The following RBMS1 variants were observed in gnomAD, a reference collection of about 807,000 sequenced individuals.
The protein encoded by RBMS1 is RNA-binding motif, single-stranded-interacting protein 1.
RBMS1 carries 17 observed loss-of-function variants against 62.3 expected under a neutral mutation model. That is an observed-to-expected ratio of 0.27 (90% confidence interval 0.19 to 0.41). The LOEUF is 0.41. Among genes scored for constraint, RBMS1 ranks in the 10% least tolerant of loss-of-function variants. The probability of loss-of-function intolerance (pLI) is 1.00; values close to 1 mark genes in which losing one functional copy is unlikely to be tolerated. For missense variants in RBMS1, 334 were observed against 504.5 expected (o/e 0.66, Z 3.24); for synonymous variants, 172 against 170.0 (o/e 1.01, Z -0.09).
At chr2:160,324,295 A>C (rs1047921262) in intron 2 of RBMS1, among the ~76,000 whole-genome samples, 1 of 152,168 alleles carries the variant, frequency 6.6e-6, no homozygotes. Flanking sequence ...CCTGTGTGCT[A>C]GGGAACGTGC....
intron 2 of RBMS1, among the ~76,000 whole-genome samples, chr2:160,318,506 G>C (rs1006235215): frequency 4.6e-5 from 7 of 152,218 alleles, no homozygotes; most frequent in Non-Finnish European, 1.0e-4. Context: ...TCTTAGGACA[G>C]AAACATGGGA....
Position 160,349,553 on chromosome 2 carries a change from AAGAGAGAGAG to A in RBMS1, c.251+17653_251+17662del, listed in dbSNP as rs372260654. ...TTTAGTTGCTCATCTCAGAGACAGA[AAGAGAGAGAG>A]AGAGAGAGAGAGAGAGAGAAAGGAA... On this transcript the variant is annotated intron_variant, in intron 2 of 13. Transcript: ENST00000348849. 2.4e-3 allele frequency among the ~76,000 whole-genome samples: 344 copies of A among 142,840 alleles called. 1 individual carries two copies. Among genetic ancestry groups the A allele is most frequent in the African/African-American group, 8.5e-3 (325 of 38,412 alleles). 93.7% of individuals were successfully genotyped at this position (142,840 alleles called of 152,430 possible). A position where few individuals can be genotyped will look rare whatever the true frequency, so the allele number is the denominator to read the frequency against.
chr2:160,427,336 A>G (rs1682681318), intron 1 of RBMS1, among the ~76,000 whole-genome samples: 1 of 152,136 alleles, frequency 6.6e-6, no homozygotes, highest in South Asian at 2.1e-4. Flanking sequence ...TATACCTACA[A>G]CTAATTTTAT....
At chr2:160,327,662 G>A (rs758598919) in intron 2 of RBMS1, among the ~76,000 whole-genome samples, 2 of 152,102 alleles carry the variant, frequency 1.3e-5, no homozygotes, top group South Asian at 2.1e-4. Flanking sequence ...AGAAGTCACT[G>A]TACTACAGCA....
chr2:160,313,509 G>T (rs1574264416), intron 3 of RBMS1, among the ~76,000 whole-genome samples: 1 of 151,778 alleles, frequency 6.6e-6, no homozygotes, highest in East Asian at 1.9e-4. Context: ...TACGTGTCTT[G>T]TATTTACTGG....
chr2:160,323,820 G>A (rs1690731839), intron 2 of RBMS1, among the ~76,000 whole-genome samples: 1 of 152,142 alleles, frequency 6.6e-6, no homozygotes, highest in Non-Finnish European at 1.5e-5. Context: ...TTCAAAGGGA[G>A]AGGATAACAG....
chr2:160,352,058 T>A (rs1337930926), intron 2 of RBMS1, among the ~76,000 whole-genome samples: 2 of 152,162 alleles, frequency 1.3e-5, no homozygotes, highest in Non-Finnish European at 2.9e-5. Context: ...CCTGCAGAGC[T>A]GCTAATGTTG....
intron 2 of RBMS1, among the ~76,000 whole-genome samples, chr2:160,349,738 T>A (rs1692386926): frequency 6.6e-6 from 1 of 151,810 alleles, no homozygotes; most frequent in African/African-American, 2.4e-5. Flanking sequence ...TTCAAAAATA[T>A]TTACTGATTT....
intron 2 of RBMS1, among the ~76,000 whole-genome samples, chr2:160,329,668 A>G (rs967688652): frequency 1.3e-5 from 2 of 151,948 alleles, no homozygotes; most frequent in Admixed American, 1.3e-4. Flanking sequence ...AATGAAGGTA[A>G]ACATGCCTCA....
intron 1 of RBMS1, among the ~76,000 whole-genome samples, chr2:160,409,836 G>A (rs540228110): frequency 1.3e-5 from 2 of 152,206 alleles, no homozygotes; most frequent in African/African-American, 4.8e-5. Context: ...GTTTTATGGG[G>A]ATAAGAAAAG....
At position 160,458,210 on chromosome 2, in the gene RBMS1, T is replaced by C. The variant is rs562095500; in HGVS notation, c.75+35079A>G. Among the ~76,000 whole-genome samples, 232 of 152,256 alleles carry C rather than the reference T, an allele frequency of 1.5e-3. 1 individual carries two copies. Among genetic ancestry groups the C allele is most frequent in the Middle Eastern group, 6.8e-3 (2 of 294 alleles). On this transcript the variant is annotated intron_variant, in intron 1 of 13. Coordinates refer to ENST00000348849, the MANE Select transcript of RBMS1 (RefSeq NM_016836.4). ...AACTCCTGGCCTCAAGTGATCCTCC[T>C]GTCTGGGCTTCCCAAAGTGCCGGGA...
intron 1 of RBMS1, among the ~76,000 whole-genome samples, chr2:160,393,076 C>G (rs946584207): frequency 8.6e-5 from 13 of 151,906 alleles, no homozygotes; most frequent in African/African-American, 2.9e-4. Flanking sequence ...TTTCCCTATT[C>G]TAATTTAGTA....
At chr2:160,329,993 T>G (rs186294094) in intron 2 of RBMS1, among the ~76,000 whole-genome samples, 1 of 152,080 alleles carries the variant, frequency 6.6e-6, no homozygotes, top group African/African-American at 2.4e-5. Flanking sequence ...GAGACACTTA[T>G]GAAAAGAACA....
At chr2:160,280,758 T>C (rs1217934201) in intron 10 of RBMS1, among the ~76,000 whole-genome samples, 4 of 152,102 alleles carry the variant, frequency 2.6e-5, no homozygotes, top group African/African-American at 9.6e-5. Context: ...AAACTAGATC[T>C]TATGTGTCTT....
intron 1 of RBMS1, among the ~76,000 whole-genome samples, chr2:160,414,872 A>G (rs1247530158): frequency 6.6e-6 from 1 of 152,054 alleles, no homozygotes; most frequent in African/African-American, 2.4e-5. Flanking sequence ...ATCTATAAAA[A>G]CAGGTACATG....
intron 1 of RBMS1, among the ~76,000 whole-genome samples, chr2:160,414,550 C>T (rs1696147447): frequency 6.6e-6 from 1 of 152,130 alleles, no homozygotes; most frequent in African/African-American, 2.4e-5. Context: ...TCACCATTTA[C>T]AACATCTCTC....
At chr2:160,440,066 C>G (rs1000170381) in intron 1 of RBMS1, among the ~76,000 whole-genome samples, 7 of 60,500 alleles carry the variant, frequency 1.2e-4, no homozygotes, top group African/African-American at 4.3e-4. Flanking sequence ...AGAGGGAGAC[C>G]GTGGAGAGGG....
chr2:160,348,643 T>C (rs573420299), intron 2 of RBMS1, among the ~76,000 whole-genome samples: 18 of 152,238 alleles, frequency 1.2e-4, no homozygotes, highest in Admixed American at 1.0e-3. Context: ...GCATATGACC[T>C]AGAGATGAAG....
rs767359109 is a variant in RBMS1, at chr2:160,303,534, G to C, written c.403-47C>G. On this transcript the variant is annotated intron_variant, in intron 4 of 13. Transcript: ENST00000348849. Reference sequence around the variant, plus strand: ...TCCATTAATTTCCAACAGAAGGTGAGATATTTATGTTAACACACCTATTTT... The same window carrying C: ...TCCATTAATTTCCAACAGAAGGTGACATATTTATGTTAACACACCTATTTT... 6 of 1,552,104 alleles carry C rather than the reference G, an allele frequency of 3.9e-6. No individual in the cohort carries two copies. The South Asian group carries it at 7.3e-5, about 19-fold the overall frequency.
Sources: allele counts gnomAD v4.1 joint callset (sites outside exome capture counted in the v4.1 genomes callset), GRCh38; gene constraint gnomAD v4.1.1; transcripts MANE v1.5; gene names NCBI Gene and HGNC (gene_info 2026-07-23, HGNC 2026-07-21).